Variants in POLRMT observed in about 807,000 individuals in gnomAD.
The protein encoded by POLRMT is DNA-directed RNA polymerase, mitochondrial.
In POLRMT, 114 loss-of-function variants were observed where a neutral mutation model predicts 132.2. That is an observed-to-expected ratio of 0.86 (90% CI 0.74 to 1.01). POLRMT has a LOEUF of 1.01. POLRMT is among the 50% of genes least tolerant of loss of function. The pLI is 0.00. For missense variants in POLRMT, 2,003 were observed against 1,729.1 expected (o/e 1.16, Z -2.81); for synonymous variants, 1,020 against 773.4 (o/e 1.32, Z -5.29).
intron 3 of POLRMT, among the ~76,000 whole-genome samples, chr19:627,776 T>C (rs575314124): frequency 8.2e-4 from 124 of 150,604 alleles, no homozygotes; most frequent in African/African-American, 2.8e-3. Context: ...AATACAAAAA[T>C]TGGCCGGGCG....
intron 17 of POLRMT, 109 bp from the exon 18 acceptor site, chr19:617,958 C>A (rs1984135127): frequency 7.1e-6 from 7 of 981,068 alleles, no homozygotes; most frequent in Non-Finnish European, 7.8e-6. Context: ...CAGGGAAGCC[C>A]ACCCTCCTGC....
chr19:623,594 C>T lies in POLRMT; in HGVS notation c.1150G>A (p.Val384Met). ...LRDVYAKDGRVSYPKLHLPLK... is the reference protein window; with the variant it reads ...LRDVYAKDGRMSYPKLHLPLK... Reference sequence around the variant, plus strand: ...GGCAGGTGCAGCTTCGGGTAGGACACACGCCCATCCTGCAGGGATGGGGGT... The same window carrying T: ...GGCAGGTGCAGCTTCGGGTAGGACATACGCCCATCCTGCAGGGATGGGGGT... The change falls in exon 6 of 21, where the codon GTG becomes ATG. Residue 384 changes from valine to methionine, a missense_variant. Physicochemically the swap from Val to Met is conservative, Grantham distance 21 (BLOSUM62 1). Transcript: ENST00000588649. 1.9e-6 allele frequency: 3 copies of T among 1,613,618 alleles called. No individual in the cohort carries two copies. Among genetic ancestry groups the T allele is most frequent in the Non-Finnish European group, 1.7e-6 (2 of 1,179,968 alleles).
chr19:619,307 CG>C lies in POLRMT; in HGVS notation c.3067-12del. Reference sequence around the variant, plus strand: ...CTCCCACACGAACTCCTGCAGAGGGCGGGCAGCAGGTGCAGGTCCTCAGGGG... The same window carrying C: ...CTCCCACACGAACTCCTGCAGAGGGCGGCAGCAGGTGCAGGTCCTCAGGGG... On this transcript the variant is annotated splice_polypyrimidine_tract_variant and intron_variant, in intron 13 of 20. Coordinates refer to ENST00000588649, the MANE Select transcript of POLRMT (RefSeq NM_005035.4). The C allele has an allele frequency of 6.2e-7, 1 of 1,608,220 alleles. No homozygotes were observed. Among genetic ancestry groups the C allele is most frequent in the Non-Finnish European group, 8.5e-7 (1 of 1,178,800 alleles).
rs1568375274 is a variant in POLRMT at position 619,044 on chromosome 19, G to A, written c.3220C>T (p.Leu1074=). 5 of 1,605,562 alleles carry A rather than the reference G, an allele frequency of 3.1e-6. No individual in the cohort carries two copies. The highest frequency in any genetic ancestry group is 3.4e-6 in the Non-Finnish European group (4 of 1,176,316). Residue 1074 remains leucine, a synonymous_variant, in exon 15 of 21, where the codon CTG becomes TTG. Coordinates refer to ENST00000588649, the MANE Select transcript of POLRMT (RefSeq NM_005035.4). ...MGSVVEWVTP[L]GVPVIQPYRL... ...TAGGGCTGGATGACGGGGACGCCCA[G>A]GGGTGTGACCCACTCCACCACAGAG...
intron 2 of POLRMT, among the ~76,000 whole-genome samples, chr19:631,110 G>C (rs1437318101): frequency 6.6e-6 from 1 of 151,886 alleles, no homozygotes; most frequent in South Asian, 2.1e-4. Context: ...AGTGACTCAA[G>C]ATAGCGCCAT....
At chr19:618,883 G>A in intron 15 of POLRMT, 114 bp downstream of exon 15, 2 of 1,352,782 alleles carry the variant, frequency 1.5e-6, no homozygotes, top group Non-Finnish European at 1.0e-6. Flanking sequence ...GGGATGGGGT[G>A]GCACACTGGG....
Position 619,767 on chromosome 19 carries a change from T to G in POLRMT, c.2887-2A>C, listed in dbSNP as rs927100127. On this transcript the variant is annotated splice_acceptor_variant, in intron 12 of 20. Coordinates refer to ENST00000588649, the MANE Select transcript of POLRMT (RefSeq NM_005035.4). LOFTEE classifies it high-confidence loss of function. ...GTCCTGCCTACGGAACACCTCCACC[T>G]GCACGGCGGGTGGGCCGGGGGCGCG... 6.4e-7 allele frequency: 1 copy of G among 1,567,508 alleles called. No individual in the cohort carries two copies. The highest frequency in any genetic ancestry group is 8.6e-7 in the Non-Finnish European group (1 of 1,156,360).
At position 621,345 on chromosome 19, in the gene POLRMT, G is replaced by C. The variant is rs756671253; in HGVS notation, c.2353C>G (p.Leu785Val). 1 of 1,584,638 alleles carries C rather than the reference G, an allele frequency of 6.3e-7. No individual in the cohort carries two copies. The highest frequency in any genetic ancestry group is 1.3e-5 in the African/African-American group (1 of 74,602). ...LRAEALYRLSLAQHLRDRVFW... is the reference protein window; with the variant it reads ...LRAEALYRLSVAQHLRDRVFW... Reference sequence around the variant, plus strand: ...ACGCGGTCCCGCAGGTGCTGCGCCAGCGAGAGGCGGTACAGCGCCTCCGCC... The same window carrying C: ...ACGCGGTCCCGCAGGTGCTGCGCCACCGAGAGGCGGTACAGCGCCTCCGCC... The change falls in exon 10 of 21, where the codon CTG becomes GTG. Residue 785 changes from leucine to valine, a missense_variant. Transcript: ENST00000588649.
Position 624,911 on chromosome 19 carries a change from G to T in POLRMT, c.954-6C>A. On this transcript the variant is annotated splice_region_variant and splice_polypyrimidine_tract_variant and intron_variant, in intron 4 of 20. Transcript: ENST00000588649. ...GGCTCATCTGTTCCAGACACCTGTG[G>T]TGCAGGCGGCCTGCTCGAGGGACGG... 6.2e-7 allele frequency: 1 copy of T among 1,601,398 alleles called. No individual in the cohort carries two copies. The highest frequency in any genetic ancestry group is 8.5e-7 in the Non-Finnish European group (1 of 1,171,558).
At position 623,615 on chromosome 19, in the gene POLRMT, G is replaced by A; in HGVS notation, c.1141-12C>T. 6.2e-7 allele frequency: 1 copy of A among 1,612,644 alleles called. No individual in the cohort carries two copies. Among genetic ancestry groups the A allele is most frequent in the East Asian group, 2.2e-5 (1 of 44,838 alleles). On this transcript the variant is annotated splice_polypyrimidine_tract_variant and intron_variant, in intron 5 of 20. Transcript: ENST00000588649. ...GACACACGCCCATCCTGCAGGGATG[G>A]GGGTAGTGAGGTTGGGGGCTTGCCA...
chr19:620,280 C>G, intron 11 of POLRMT, 85 bp downstream of exon 11: 1 of 1,464,536 alleles, frequency 6.8e-7, no homozygotes, highest in Non-Finnish European at 9.1e-7. Flanking sequence ...ATACCACGAG[C>G]GAAGGTGAAA....
At chr19:620,788 G>C (rs1164644770) in intron 10 of POLRMT, among the ~76,000 whole-genome samples, 3 of 125,008 alleles carry the variant, frequency 2.4e-5, no homozygotes, top group Non-Finnish European at 5.2e-5. Context: ...TGCAGGGGAG[G>C]GGGGAACGTG....
intron 2 of POLRMT, among the ~76,000 whole-genome samples, chr19:631,157 T>A (rs1482053046): frequency 9.5e-5 from 14 of 147,180 alleles, no homozygotes; most frequent in Non-Finnish European, 2.1e-4. Context: ...ATAATCCATC[T>A]AAAAAAAAAA....
At position 618,848 on chromosome 19, in the gene POLRMT, C is replaced by T. The variant is rs879307302; in HGVS notation, c.3268-88G>A. ...GTGGTGGTACACTGGGGTAGTGGCA[C>T]GCTAGGATGGTGGCACACTGGCGCG... On this transcript the variant is annotated intron_variant, in intron 15 of 20. Transcript: ENST00000588649. 110 of 1,466,210 alleles carry T rather than the reference C, an allele frequency of 7.5e-5. No homozygotes were observed. The Admixed American group carries it at 1.7e-3, about 23-fold the overall frequency. 90.8% of individuals were successfully genotyped at this position (1,466,210 alleles called of 1,614,324 possible). A position where few individuals can be genotyped will look rare whatever the true frequency, so the allele number is the denominator to read the frequency against.
At chr19:633,391 C>T in intron 1 of POLRMT, 34 bp downstream of exon 1, 2 of 1,484,276 alleles carry the variant, frequency 1.3e-6, no homozygotes, top group East Asian at 2.7e-5. Flanking sequence ...ACGCCGTGGC[C>T]CCCGGGCTGC....
chr19:623,379 G>A (rs1984780333), intron 6 of POLRMT, 75 bp downstream of exon 6: 7 of 1,569,728 alleles, frequency 4.5e-6, no homozygotes, highest in Admixed American at 1.7e-5. Context: ...CGGGACCCCG[G>A]CTCAGCCCGT....
Position 622,748 on chromosome 19 carries a change from A to T in POLRMT, c.1460T>A (p.Leu487Gln), listed in dbSNP as rs1984719450. ...CTCACCTTGGGCGGGCAGCGCCTGC[A>T]GGACCTGCGGAAGGCAGCCGTGAGT... ...REVVRMLLQVLQALPAQGESF... is the reference protein window; with the variant it reads ...REVVRMLLQVQQALPAQGESF... The change falls in exon 8 of 21, where the codon CTG becomes CAG. Residue 487 changes from leucine to glutamine, a missense_variant. Transcript: ENST00000588649. 1 of 1,587,752 alleles carries T rather than the reference A, an allele frequency of 6.3e-7. No homozygotes were observed. Among genetic ancestry groups the T allele is most frequent in the African/African-American group, 1.3e-5 (1 of 74,230 alleles).
At chr19:621,019 G>A (rs1287715288) in intron 10 of POLRMT, 39 bp downstream of exon 10, 1 of 1,053,724 alleles carries the variant, frequency 9.5e-7, no homozygotes, top group Non-Finnish European at 1.2e-6. Context: ...GGGCGCGGGG[G>A]TGCCGGGAGG....
At chr19:626,760 T>C (rs1340815148) in intron 3 of POLRMT, among the ~76,000 whole-genome samples, 1 of 148,362 alleles carries the variant, frequency 6.7e-6, no homozygotes, top group Non-Finnish European at 1.5e-5. Context: ...ACTGGGAGCC[T>C]GGGGCAGGAG....
Sources: gnomAD v4.1 joint callset for allele counts (sites outside exome capture counted in the v4.1 genomes callset) on GRCh38, gnomAD v4.1.1 for gene constraint, MANE v1.5 for transcripts, NCBI Gene and HGNC (gene_info 2026-07-23, HGNC 2026-07-21) for gene names.